DOK4: variants seen among roughly 807,000 people sequenced by gnomAD.
The protein encoded by DOK4 is downstream of tyrosine kinase 4.
A neutral mutation model predicts 40.1 loss-of-function variants in DOK4; 26 were observed. The observed-to-expected ratio is 0.65, with a 90% CI of 0.48 to 0.90. The LOEUF (loss-of-function observed/expected upper bound fraction) is 0.90. DOK4 is among the 40% of genes least tolerant of loss of function. DOK4 has a pLI of 0.00. For synonymous variants in DOK4, 179 were observed against 177.0 expected, an observed-to-expected ratio of 1.01 and a Z score of -0.09; for missense variants, 392 against 437.2, an observed-to-expected ratio of 0.90 and a Z score of 0.92.
chr16:57,478,643 G>C (rs1010660155), intron 2 of DOK4: 2 of 152,304 alleles, frequency 1.3e-5, no homozygotes, highest in Admixed American at 1.3e-4. Flanking sequence ...TCTTCTAGGG[G>C]GTCTTCACCA....
chr16:57,482,460 G>A (rs1197750587), intron 1 of DOK4, among the ~76,000 whole-genome samples: 2 of 132,776 alleles, frequency 1.5e-5, no homozygotes, highest in Non-Finnish European at 3.1e-5. Context: ...TCCGCCTCCC[G>A]GGTTCACGCC....
intron 1 of DOK4, among the ~76,000 whole-genome samples, chr16:57,483,556 G>A (rs2146670577): frequency 6.6e-6 from 1 of 152,302 alleles, no homozygotes; most frequent in Middle Eastern, 3.4e-3. Context: ...CTTGAGCTCA[G>A]GAATTCCAGG....
At chr16:57,483,731 C>T (rs1264986644) in intron 1 of DOK4, among the ~76,000 whole-genome samples, 1 of 152,168 alleles carries the variant, frequency 6.6e-6, no homozygotes, top group Non-Finnish European at 1.5e-5. Flanking sequence ...CCTGTTTGTC[C>T]CTCAGGCCCT....
In DOK4 at chr16:57,479,351, C is replaced by T. The variant is rs560783522; in HGVS notation, c.66+91G>A. Reference sequence around the variant, plus strand: ...ATGCCCGGCAGCCGGAGGGCAGCCGCGTGCCCCACGCGCCATGCCTCCAAG... The same window carrying T: ...ATGCCCGGCAGCCGGAGGGCAGCCGTGTGCCCCACGCGCCATGCCTCCAAG... On this transcript the variant is annotated intron_variant, in intron 2 of 8. Coordinates refer to ENST00000340099, the Ensembl canonical transcript of DOK4. This position sits in a 1 kb window ranked among gnomAD's most constrained non-coding sequence, Gnocchi z 5.8. The T allele has an allele frequency of 2.0e-4, 293 of 1,432,112 alleles. No individual in the cohort carries two copies. Among genetic ancestry groups the T allele is most frequent in the Middle Eastern group, 7.1e-4 (4 of 5,658 alleles). 88.7% of individuals were successfully genotyped at this position (1,432,112 alleles called of 1,614,324 possible).
chr16:57,473,439 T>A, exon 9 of DOK4: 1 of 1,614,202 alleles, frequency 6.2e-7, no homozygotes, highest in Non-Finnish European at 8.5e-7. Flanking sequence ...TTTAGCAGGA[T>A]GAATCTGTTG....
At chr16:57,482,301 G>A (rs556722578) in intron 1 of DOK4, among the ~76,000 whole-genome samples, 19 of 151,020 alleles carry the variant, frequency 1.3e-4, no homozygotes, top group South Asian at 2.1e-4. Flanking sequence ...AGCTGGGACC[G>A]CAGGTACATA....
Position 57,479,511 on chromosome 16 carries a change from T to G in DOK4, c.-4A>C. 1.2e-6 allele frequency: 2 copies of G among 1,613,408 alleles called. No individual in the cohort carries two copies. Among genetic ancestry groups the G allele is most frequent in the South Asian group, 1.1e-5 (1 of 91,046 alleles). On this transcript the variant is annotated 5_prime_UTR_variant, in exon 2 of 9. Transcript: ENST00000340099. The surrounding 1 kb of genome is among the most constrained non-coding windows in gnomAD (Gnocchi z 5.8). The stretch of plus-strand genomic sequence containing the variant: ...TGTCACTGAAATTGGTCGCCATGGT[T>G]TTCCCACCTTTTAGGGGCGCGGGGC...
intron 1 of DOK4, among the ~76,000 whole-genome samples, chr16:57,480,980 C>G (rs577473312): frequency 6.6e-6 from 1 of 152,316 alleles, no homozygotes; most frequent in Non-Finnish European, 1.5e-5. Context: ...ACCACCTAAG[C>G]CTTCCCTGCC....
rs1392933336 is a variant in DOK4, at chr16:57,484,657, G to A, written c.-182+1648C>T. On this transcript the variant is annotated intron_variant, in intron 1 of 8. Transcript: ENST00000340099. ...CTCAACATGCCAAAACCCCTCCCTCGAGGGACCACTGCACTAGCTGTTTCC... is the reference window on the plus strand; with the variant it reads ...CTCAACATGCCAAAACCCCTCCCTCAAGGGACCACTGCACTAGCTGTTTCC... Among the ~76,000 whole-genome samples, 8 of 151,872 alleles carry A rather than the reference G, an allele frequency of 5.3e-5. No homozygotes were observed. The South Asian group carries it at 8.3e-4, about 16-fold the overall frequency.
At chr16:57,475,007 T>A in intron 5 of DOK4, 25 bp from the exon 6 acceptor site, 1 of 1,600,606 alleles carries the variant, frequency 6.2e-7, no homozygotes, top group Non-Finnish European at 8.5e-7. Context: ...GGTGGACAAG[T>A]GGGACCAGAG....
intron 2 of DOK4, among the ~76,000 whole-genome samples, chr16:57,477,334 C>T (rs967795673): frequency 1.3e-5 from 2 of 152,248 alleles, no homozygotes; most frequent in African/African-American, 2.4e-5. Context: ...GTCCTACCCA[C>T]CTAAACCACA....
exon 9 of DOK4, chr16:57,473,093 G>A (rs773191947): frequency 2.5e-6 from 1 of 400,516 alleles, no homozygotes. Flanking sequence ...AGGATGGGGT[G>A]AGGGTGAGGG....
chr16:57,474,093 G>A (rs2031030418), intron 6 of DOK4, 54 bp from the exon 7 acceptor site: 1 of 1,606,472 alleles, frequency 6.2e-7, no homozygotes, highest in Non-Finnish European at 8.5e-7. Context: ...AGACATGCAT[G>A]TGATTAGTTA....
Position 57,479,280 on chromosome 16 carries a change from T to C in DOK4, c.66+162A>G, listed in dbSNP as rs900748896. On this transcript the variant is annotated intron_variant, in intron 2 of 8. Coordinates refer to ENST00000340099, the Ensembl canonical transcript of DOK4. This position sits in a 1 kb window ranked among gnomAD's most constrained non-coding sequence, Gnocchi z 5.8. Reference sequence around the variant, plus strand: ...GCAGGCAGAACCCAGCCCAGGCACATGCCAGGCAGCACGCTGGCGAGGAGC... The same window carrying C: ...GCAGGCAGAACCCAGCCCAGGCACACGCCAGGCAGCACGCTGGCGAGGAGC... 1.9e-4 allele frequency among the ~76,000 whole-genome samples: 29 copies of C among 152,174 alleles called. No individual in the cohort carries two copies. The highest frequency in any genetic ancestry group is 4.1e-4 in the Non-Finnish European group (28 of 68,022).
rs1320996194 is a variant in DOK4 at position 57,479,436 on chromosome 16, A to T, written c.66+6T>A. The T allele has an allele frequency of 1.2e-6, 2 of 1,613,130 alleles. No homozygotes were observed. The highest frequency in any genetic ancestry group is 1.7e-6 in the Non-Finnish European group (2 of 1,179,784). On this transcript the variant is annotated splice_donor_region_variant and intron_variant, in intron 2 of 8. Coordinates refer to ENST00000340099, the Ensembl canonical transcript of DOK4. This position sits in a 1 kb window ranked among gnomAD's most constrained non-coding sequence, Gnocchi z 5.8. ...CAGGGCCCCTCCGCAGCTCAGGGTC[A>T]CTCACCCCGAGCTTCCTGCTCTTCA... is the stretch of plus-strand genomic sequence containing the variant.
At chr16:57,484,422 C>G (rs1358990165) in intron 1 of DOK4, 1 of 152,498 alleles carries the variant, frequency 6.6e-6, no homozygotes, top group Non-Finnish European at 1.5e-5. Context: ...GCTGGGAGTG[C>G]TCCCAACAGA....
intron 1 of DOK4, among the ~76,000 whole-genome samples, chr16:57,482,048 T>G (rs2031425563): frequency 1.3e-5 from 2 of 152,070 alleles, no homozygotes; most frequent in African/African-American, 4.8e-5. Flanking sequence ...GTATTTTTAG[T>G]AGAGACGGGG....
At chr16:57,486,335 T>G (rs1210327311) in exon 1 of DOK4, 2 of 151,298 alleles carry the variant, frequency 1.3e-5, no homozygotes, top group African/African-American at 2.4e-5. Context: ...CAGGAGCGCC[T>G]GCTCAGCGGC....
rs919557499 is a variant in DOK4 at position 57,485,964 on chromosome 16, G to C, written c.-182+341C>G. Among the ~76,000 whole-genome samples the C allele has an allele frequency of 6.6e-6, 1 of 152,200 alleles. No homozygotes were observed. Among genetic ancestry groups the C allele is most frequent in the East Asian group, 1.9e-4 (1 of 5,168 alleles). On this transcript the variant is annotated intron_variant, in intron 1 of 8. Transcript: ENST00000340099. The surrounding 1 kb of genome is among the most constrained non-coding windows in gnomAD (Gnocchi z 4.3). The stretch of plus-strand genomic sequence containing the variant: ...CAGAGAGAAGGTTGGGAGCTGCCAG[G>C]GGCTGGGTTATGCCCCTTCCGGGGG...
Sources: gnomAD v4.1 joint callset for allele counts (sites outside exome capture counted in the v4.1 genomes callset) on GRCh38, gnomAD v4.1.1 for gene constraint, Gnocchi (gnomAD v3.1) non-coding constraint, MANE v1.5 for transcripts, NCBI Gene and HGNC (gene_info 2026-07-23, HGNC 2026-07-21) for gene names.